The following UST variants were observed in gnomAD, a reference collection of about 807,000 sequenced individuals.
UST encodes chondroitin sulfate 2-O-sulfotransferase.
UST carries 21 observed loss-of-function variants against 45.6 expected under a neutral mutation model. The observed-to-expected ratio is 0.46, with a 90% CI of 0.33 to 0.66. UST has a LOEUF of 0.66. Among genes scored for constraint, UST ranks in the 30% least tolerant of loss-of-function variants. The pLI, the probability that UST is intolerant of heterozygous loss-of-function variation, is 0.02. For synonymous variants in UST, 215 were observed against 200.6 expected (o/e 1.07, Z -0.61); for missense variants, 463 against 512.4 (o/e 0.90, Z 0.93).
chr6:148,787,154 AGTTT>A (rs1372146876), intron 1 of UST, among the ~76,000 whole-genome samples: 1 of 152,024 alleles, frequency 6.6e-6, no homozygotes, highest in Non-Finnish European at 1.5e-5. Context: ...TTCTGTAGGT[AGTTT>A]GTTTACCTAT....
chr6:149,029,378 T>A (rs934124679), intron 7 of UST, among the ~76,000 whole-genome samples: 13 of 146,864 alleles, frequency 8.9e-5, no homozygotes, highest in African/African-American at 3.2e-4. Flanking sequence ...ATATATAATG[T>A]ATATATTGTA....
intron 1 of UST, among the ~76,000 whole-genome samples, chr6:148,793,595 C>G (rs573070740): frequency 6.6e-5 from 10 of 152,308 alleles, no homozygotes; most frequent in African/African-American, 2.4e-4. Context: ...TTTCCACCAG[C>G]ATCACCACCA....
chr6:148,918,595 C>T (rs75956500), intron 2 of UST, among the ~76,000 whole-genome samples: 5,029 of 152,238 alleles, frequency 0.033, 280 homozygotes, highest in African/African-American at 0.11. Context: ...CTTGCATTCT[C>T]ATGATGATTA....
intron 2 of UST, among the ~76,000 whole-genome samples, chr6:148,906,701 T>G (rs1210368236): frequency 6.8e-6 from 1 of 147,458 alleles, no homozygotes; most frequent in Non-Finnish European, 1.5e-5. Context: ...TAACTGTGAT[T>G]TGGGACAGAT....
chr6:148,950,398 C>T (rs972919677), intron 3 of UST, among the ~76,000 whole-genome samples: 1 of 152,186 alleles, frequency 6.6e-6, no homozygotes, highest in African/African-American at 2.4e-5. Flanking sequence ...CCCTTCTTCA[C>T]ATTCTCCACC....
chr6:149,051,641 G>C (rs1005209325), intron 7 of UST, among the ~76,000 whole-genome samples: 1 of 152,210 alleles, frequency 6.6e-6, no homozygotes, highest in African/African-American at 2.4e-5. Context: ...GAATGGCACA[G>C]TTCCTGATCT....
At chr6:148,858,872 C>T (rs1369998941) in intron 1 of UST, among the ~76,000 whole-genome samples, 1 of 152,172 alleles carries the variant, frequency 6.6e-6, no homozygotes, top group Non-Finnish European at 1.5e-5. Flanking sequence ...TGTATATGTG[C>T]CACATTTTTT....
At chr6:148,835,715 G>A (rs947621559) in intron 1 of UST, among the ~76,000 whole-genome samples, 1 of 152,184 alleles carries the variant, frequency 6.6e-6, no homozygotes, top group Non-Finnish European at 1.5e-5. Flanking sequence ...GGGGGCTTTA[G>A]TGTTTTCCAA....
At chr6:149,031,477 T>C (rs947003644) in intron 7 of UST, among the ~76,000 whole-genome samples, 1 of 152,322 alleles carries the variant, frequency 6.6e-6, no homozygotes, top group Non-Finnish European at 1.5e-5. Flanking sequence ...CAGCATAATA[T>C]ATGTGCGTTT....
intron 1 of UST, among the ~76,000 whole-genome samples, chr6:148,865,354 G>T (rs548943190): frequency 6.6e-5 from 10 of 152,144 alleles, no homozygotes; most frequent in African/African-American, 2.4e-4. Flanking sequence ...TGGGGTCACC[G>T]TGTTTAAAGC....
At chr6:148,855,073 A>G (rs906566876) in intron 1 of UST, among the ~76,000 whole-genome samples, 3 of 152,106 alleles carry the variant, frequency 2.0e-5, no homozygotes, top group African/African-American at 7.2e-5. Context: ...GGCTTTTTAA[A>G]ACCATCAGAT....
intron 2 of UST, among the ~76,000 whole-genome samples, chr6:148,921,497 A>G (rs2114896055): frequency 6.6e-6 from 1 of 152,326 alleles, no homozygotes; most frequent in East Asian, 1.9e-4. Flanking sequence ...TGGGGAGATT[A>G]GGCTGGAGCC....
At chr6:148,884,867 A>G (rs989612341) in intron 1 of UST, among the ~76,000 whole-genome samples, 2 of 152,136 alleles carry the variant, frequency 1.3e-5, no homozygotes, top group East Asian at 1.9e-4. Context: ...GTTGGTACCT[A>G]TAGCATAGGG....
chr6:148,881,580 T>G (rs926363467), intron 1 of UST, among the ~76,000 whole-genome samples: 1 of 152,098 alleles, frequency 6.6e-6, no homozygotes, highest in African/African-American at 2.4e-5. Flanking sequence ...GGAGCGTGCT[T>G]GTCCTCTGTC....
At chr6:148,998,092 C>G (rs374354832) in intron 5 of UST, among the ~76,000 whole-genome samples, 1 of 152,214 alleles carries the variant, frequency 6.6e-6, no homozygotes, top group Non-Finnish European at 1.5e-5. Flanking sequence ...GCTAAGAAGG[C>G]AAAATCATCA....
chr6:148,956,347 G>A (rs991630450), intron 4 of UST, among the ~76,000 whole-genome samples: 14 of 150,240 alleles, frequency 9.3e-5, no homozygotes, highest in African/African-American at 3.0e-4. Context: ...ATCATGGCAG[G>A]AGTCGAAAGG....
chr6:148,962,625 G>T (rs1326922522), intron 4 of UST, among the ~76,000 whole-genome samples: 1 of 152,186 alleles, frequency 6.6e-6, no homozygotes, highest in Non-Finnish European at 1.5e-5. Context: ...ACTCCAGTTA[G>T]TTGTTCATCC....
chr6:148,963,038 C>T (rs530051516), intron 4 of UST, among the ~76,000 whole-genome samples: 8 of 152,214 alleles, frequency 5.3e-5, no homozygotes, highest in Admixed American at 2.6e-4. Context: ...CGTGTCGTTC[C>T]TGGCTGCAGG....
At chr6:148,800,166 G>C (rs1777029921) in intron 1 of UST, among the ~76,000 whole-genome samples, 2 of 152,128 alleles carry the variant, frequency 1.3e-5, no homozygotes, top group Non-Finnish European at 1.5e-5. Flanking sequence ...CATGGATAAG[G>C]CTCTTCCTCA....
Sources: allele counts gnomAD v4.1 joint callset (sites outside exome capture counted in the v4.1 genomes callset), GRCh38; gene constraint gnomAD v4.1.1; transcripts MANE v1.5; gene names NCBI Gene and HGNC (gene_info 2026-07-23, HGNC 2026-07-21).